ARHGEF10: variants seen among roughly 807,000 people sequenced by gnomAD.
ARHGEF10 encodes the protein Rho guanine nucleotide exchange factor 10.
Under a neutral mutation model 147.4 loss-of-function variants are expected in ARHGEF10, and 140 were observed. That is an observed-to-expected ratio of 0.95 (90% CI 0.83 to 1.09). ARHGEF10 has a LOEUF of 1.09. Among genes scored for constraint, ARHGEF10 ranks in the 50% least tolerant of loss-of-function variants. The pLI is 0.00. For synonymous variants in ARHGEF10, 902 were observed against 695.8 expected (o/e 1.30, Z -4.67); for missense variants, 2,222 against 1,752.7 (o/e 1.27, Z -4.78).
At chr8:1,944,276 C>T (rs1475760044) in intron 26 of ARHGEF10, among the ~76,000 whole-genome samples, 3 of 152,152 alleles carry the variant, frequency 2.0e-5, no homozygotes, top group Non-Finnish European at 4.4e-5. Context: ...GGACCCCAGC[C>T]CTGCGTGCCC....
rs758239468 is a variant in ARHGEF10 at position 1,923,907 on chromosome 8, A to G, written c.2488+33A>G. On this transcript the variant is annotated intron_variant, in intron 21 of 28. Coordinates refer to ENST00000349830, the MANE Select transcript of ARHGEF10 (RefSeq NM_014629.4). ...CTGGCTGGCTGAGGCTGAATGAGGC[A>G]TGCGGCGTGATGATGAATTCCTGCC... The G allele has an allele frequency of 1.3e-5, 21 of 1,595,468 alleles. No homozygotes were observed. The Middle Eastern group carries it at 9.9e-4, about 75-fold the overall frequency.
At chr8:1,872,145 G>A (rs1353063362) in intron 7 of ARHGEF10, among the ~76,000 whole-genome samples, 1 of 152,128 alleles carries the variant, frequency 6.6e-6, no homozygotes, top group Non-Finnish European at 1.5e-5. Context: ...AAAATCATAA[G>A]AGGATGCTAT....
At chr8:1,909,152 G>C in intron 17 of ARHGEF10, 143 bp from the exon 18 acceptor site, 1 of 1,227,816 alleles carries the variant, frequency 8.1e-7, no homozygotes, top group Non-Finnish European at 1.2e-6. Flanking sequence ...AAGAAAGTCA[G>C]AAGCACAATT....
At chr8:1,915,791 C>A (rs1181726691) in intron 18 of ARHGEF10, among the ~76,000 whole-genome samples, 2 of 152,176 alleles carry the variant, frequency 1.3e-5, no homozygotes, top group Non-Finnish European at 2.9e-5. Flanking sequence ...AGAGGGATAC[C>A]CATATTTTCT....
chr8:1,935,331 G>A (rs1249289218), intron 26 of ARHGEF10, among the ~76,000 whole-genome samples: 2 of 152,066 alleles, frequency 1.3e-5, no homozygotes, highest in East Asian at 3.9e-4. Flanking sequence ...AGGGTCCACT[G>A]GGGGCTTACT....
intron 17 of ARHGEF10, among the ~76,000 whole-genome samples, chr8:1,908,040 C>G (rs190453662): frequency 1.4e-3 from 214 of 152,144 alleles, no homozygotes; most frequent in Non-Finnish European, 2.7e-3. Flanking sequence ...CCCATCTTTC[C>G]TCTTACTGTG....
rs111796200 is a variant in ARHGEF10 at position 1,877,055 on chromosome 8, C to T, written c.843+321C>T. On this transcript the variant is annotated intron_variant, in intron 8 of 28. Transcript: ENST00000349830. ...GTATTATGTGCTTTGCACGTAGCAC[C>T]GTTTGCGGAACACTGAATAGATGGG... 5.6e-3 allele frequency among the ~76,000 whole-genome samples: 853 copies of T among 152,292 alleles called. 7 individuals are homozygous for T. Among genetic ancestry groups the T allele is most frequent in the African/African-American group, 0.019 (791 of 41,558 alleles).
chr8:1,926,551 T>C (rs181103497), intron 23 of ARHGEF10, 88 bp downstream of exon 23: 8 of 1,277,720 alleles, frequency 6.3e-6, no homozygotes, highest in Non-Finnish European at 4.6e-6. Flanking sequence ...TGTGAATTGC[T>C]CAGTAGAGAG....
rs1220003415 is a variant in ARHGEF10, at chr8:1,956,741, C to T, written c.3521-8C>T. ...AAAAGACAGCTGTTGAACTGTTTCC[C>T]TTTTCAGGAAGAGGCATGGTCTCCT... On this transcript the variant is annotated splice_region_variant and splice_polypyrimidine_tract_variant and intron_variant, in intron 28 of 28. Coordinates refer to ENST00000349830, the MANE Select transcript of ARHGEF10 (RefSeq NM_014629.4). 4.3e-6 allele frequency: 7 copies of T among 1,613,596 alleles called. No individual in the cohort carries two copies. The highest frequency in any genetic ancestry group is 5.1e-6 in the Non-Finnish European group (6 of 1,179,936).
chr8:1,856,914 T>G (rs1009522675), intron 2 of ARHGEF10, among the ~76,000 whole-genome samples: 37 of 152,126 alleles, frequency 2.4e-4, no homozygotes, highest in African/African-American at 8.7e-4. Flanking sequence ...CCGGGTGGTG[T>G]TGTCCCAGCA....
chr8:1,843,520 T>G lies in ARHGEF10; in HGVS notation c.37+84T>G, dbSNP rs1421642004. The G allele has an allele frequency of 6.1e-5, 62 of 1,017,100 alleles. No individual in the cohort carries two copies. In the African/African-American group the frequency reaches 7.4e-4, roughly 12 times the overall value. 63.0% of individuals were successfully genotyped at this position (1,017,100 alleles called of 1,614,324 possible). A position where few individuals can be genotyped will look rare whatever the true frequency, so the allele number is the denominator to read the frequency against. ...ACGGGGTACTTCTGGAACCACTGAA[T>G]TGCTGGTCACTGGGGTATGGGGTGG... On this transcript the variant is annotated intron_variant, in intron 2 of 28. Transcript: ENST00000349830.
At chr8:1,924,045 G>A (rs1382245543) in intron 21 of ARHGEF10, among the ~76,000 whole-genome samples, 171 bp downstream of exon 21, 1 of 152,158 alleles carries the variant, frequency 6.6e-6, no homozygotes, top group African/African-American at 2.4e-5. Context: ...TTTTTTAGAT[G>A]TTCATATTAA....
In ARHGEF10 at chr8:1,929,374, G is replaced by A; in HGVS notation, c.3010G>A (p.Ala1004Thr). The A allele has an allele frequency of 6.2e-7, 1 of 1,613,706 alleles. No individual in the cohort carries two copies. ...TPEKSTVMSLACTSQSLYAGL... is the reference protein window; with the variant it reads ...TPEKSTVMSLTCTSQSLYAGL... The stretch of plus-strand genomic sequence containing the variant: ...TGAGAAGTCCACAGTCATGAGCCTG[G>A]CTTGCACGTCTCAGAGCCTGTACGC... Residue 1004 changes from alanine (A) to threonine (T), a missense_variant, in exon 25 of 29, where the codon GCT (alanine) becomes ACT (threonine). Transcript: ENST00000349830.
Position 1,880,175 on chromosome 8 carries a change from G to A in ARHGEF10, c.960+11G>A, listed in dbSNP as rs1554489513. 3 of 1,591,406 alleles carry A rather than the reference G, an allele frequency of 1.9e-6. No homozygotes were observed. The highest frequency in any genetic ancestry group is 2.7e-5 in the African/African-American group (2 of 74,544). On this transcript the variant is annotated intron_variant, in intron 9 of 28. Transcript: ENST00000349830. The stretch of plus-strand genomic sequence containing the variant: ...AAGCATGAACTGAAGGTAGAGTCTT[G>A]CCCCCGGCCGCTGCCCCCACTTGCC...
At chr8:1,853,923 C>G (rs1160032030) in intron 2 of ARHGEF10, among the ~76,000 whole-genome samples, 1 of 152,242 alleles carries the variant, frequency 6.6e-6, no homozygotes, top group East Asian at 1.9e-4. Context: ...TGCTCTAGCA[C>G]AGCCTCCTGT....
At chr8:1,879,918 C>T in intron 8 of ARHGEF10, 130 bp from the exon 9 acceptor site, 1 of 770,526 alleles carries the variant, frequency 1.3e-6, no homozygotes, top group South Asian at 1.4e-5. Flanking sequence ...GCGTGTGGTC[C>T]CAGAAGCCCC....
At chr8:1,849,338 A>AAG (rs1563171901) in intron 2 of ARHGEF10, among the ~76,000 whole-genome samples, 6 of 149,330 alleles carry the variant, frequency 4.0e-5, no homozygotes, top group African/African-American at 1.2e-4. Context: ...GGACACAGAC[A>AAG]GCAAATGCCG....
intron 26 of ARHGEF10, among the ~76,000 whole-genome samples, chr8:1,942,763 A>T (rs1814212109): frequency 6.6e-6 from 1 of 152,198 alleles, no homozygotes; most frequent in Non-Finnish European, 1.5e-5. Flanking sequence ...CATAGAAAGG[A>T]GTGAAGCCCC....
chr8:1,853,811 G>T (rs1288494327), intron 2 of ARHGEF10, among the ~76,000 whole-genome samples: 2 of 152,148 alleles, frequency 1.3e-5, no homozygotes, highest in African/African-American at 4.8e-5. Flanking sequence ...GCCGGCTGTG[G>T]GCACTCCCGG....
Sources: gnomAD v4.1 joint callset for allele counts (sites outside exome capture counted in the v4.1 genomes callset) on GRCh38, gnomAD v4.1.1 for gene constraint, MANE v1.5 for transcripts, NCBI Gene and HGNC (gene_info 2026-07-23, HGNC 2026-07-21) for gene names.